The following PITPNM2 variants were observed in gnomAD, a reference collection of about 807,000 sequenced individuals.
The protein encoded by PITPNM2 is phosphatidylinositol transfer protein membrane associated 2, also known as membrane-associated phosphatidylinositol transfer protein 2.
Under a neutral mutation model 132.2 loss-of-function variants are expected in PITPNM2, and 35 were observed. That is an observed-to-expected ratio of 0.26 (90% CI 0.20 to 0.35). PITPNM2 has a LOEUF of 0.35. Among genes scored for constraint, PITPNM2 ranks in the 10% least tolerant of loss-of-function variants. The probability of loss-of-function intolerance (pLI) is 1.00; values close to 1 mark genes in which losing one functional copy is unlikely to be tolerated. For missense variants in PITPNM2, 1,332 were observed against 1,912.0 expected (o/e 0.70, Z 5.66); for synonymous variants, 738 against 799.2 (o/e 0.92, Z 1.29).
chr12:122,988,669 C>T, intron 19 of PITPNM2, 55 bp downstream of exon 19: 2 of 1,500,310 alleles, frequency 1.3e-6, no homozygotes, highest in East Asian at 4.9e-5. Context: ...AAATGTGGCC[C>T]TGTCATGGGT....
chr12:123,020,088 A>T (rs1382024734), intron 3 of PITPNM2, among the ~76,000 whole-genome samples: 2 of 152,058 alleles, frequency 1.3e-5, no homozygotes, highest in African/African-American at 4.8e-5. Flanking sequence ...CCATATCACA[A>T]AAGTTTTTTT....
intron 2 of PITPNM2, among the ~76,000 whole-genome samples, 163 bp from the exon 3 acceptor site, chr12:123,034,848 C>T (rs1478074668): frequency 6.6e-6 from 1 of 152,198 alleles, no homozygotes; most frequent in East Asian, 1.9e-4. Flanking sequence ...CCTTTCCAAC[C>T]TTTATTTTTC....
chr12:123,001,092 A>G lies in PITPNM2; in HGVS notation c.1115T>C (p.Met372Thr), dbSNP rs200759177. 53 of 1,614,138 alleles carry G rather than the reference A, an allele frequency of 3.3e-5. No individual in the cohort carries two copies. The highest frequency in any genetic ancestry group is 4.0e-5 in the Non-Finnish European group (47 of 1,180,022). Residue 372 changes from methionine (M) to threonine (T), a missense_variant, in exon 9 of 26, where the codon ATG (methionine) becomes ACG (threonine). Met to Thr is a moderately conservative substitution (Grantham distance 81, BLOSUM62 -1). Coordinates refer to ENST00000320201, the MANE Select transcript of PITPNM2 (RefSeq NM_020845.3). ...DITKWSSNDL[M>T]DKIESPEPED... ...CGGCTCTGGGCTCTCGATCTTGTCC[A>G]TGAGGTCATTGGAGCTCCACTTGGT...
intron 1 of PITPNM2, among the ~76,000 whole-genome samples, chr12:123,133,869 T>C (rs540782036): frequency 1.7e-4 from 26 of 152,058 alleles, no homozygotes; most frequent in Non-Finnish European, 3.4e-4. Flanking sequence ...CAAATCTCTA[T>C]GTCCCCAGAT....
intron 2 of PITPNM2, among the ~76,000 whole-genome samples, chr12:123,047,983 C>T (rs761363135): frequency 2.0e-5 from 3 of 151,888 alleles, no homozygotes; most frequent in Non-Finnish European, 4.4e-5. Context: ...CTTGTAGTCC[C>T]AGCTACCCAA....
rs1221142307 is a variant in PITPNM2, at chr12:123,034,379, A to G, written c.78+134T>C. 1.1e-5 allele frequency: 9 copies of G among 812,222 alleles called. No individual in the cohort carries two copies. The East Asian group carries it at 2.3e-4, about 21-fold the overall frequency. 50.3% of individuals were successfully genotyped at this position (812,222 alleles called of 1,614,324 possible). A position where few individuals can be genotyped will look rare whatever the true frequency, so the allele number is the denominator to read the frequency against. On this transcript the variant is annotated intron_variant, in intron 3 of 25. Coordinates refer to ENST00000320201, the MANE Select transcript of PITPNM2 (RefSeq NM_020845.3). ...GCCTAGAGGCCAGGGGTCCAGCACA[A>G]TTCACACTTACCAGGAAGTTCTGGG...
chr12:123,123,459 A>C (rs929998114), intron 1 of PITPNM2, among the ~76,000 whole-genome samples: 9 of 152,050 alleles, frequency 5.9e-5, no homozygotes, highest in Non-Finnish European at 1.2e-4. Flanking sequence ...AAAAATAAAA[A>C]AATTAGCCAG....
At chr12:123,142,375 A>G (rs1346542925) in intron 1 of PITPNM2, among the ~76,000 whole-genome samples, 1 of 152,266 alleles carries the variant, frequency 6.6e-6, no homozygotes, top group African/African-American at 2.4e-5. Context: ...ACTTTGCTTC[A>G]GCGTATTGGA....
intron 11 of PITPNM2, 44 bp downstream of exon 11, chr12:122,997,281 C>T (rs1458666692): frequency 1.2e-6 from 2 of 1,608,608 alleles, no homozygotes; most frequent in South Asian, 1.1e-5. Context: ...AGGAGGAGGA[C>T]AGTGCACTGC....
At chr12:123,012,510 G>A in intron 5 of PITPNM2, 103 bp downstream of exon 5, 1 of 1,456,032 alleles carries the variant, frequency 6.9e-7, no homozygotes. Context: ...GACAGGGCCA[G>A]GTCTGGAGTC....
intron 1 of PITPNM2, among the ~76,000 whole-genome samples, chr12:123,145,796 T>C (rs1450409238): frequency 1.3e-5 from 2 of 152,136 alleles, no homozygotes; most frequent in African/African-American, 2.4e-5. Flanking sequence ...CTGGGCAACA[T>C]AGCAAGACGT....
At chr12:123,070,045 G>C (rs1180242469) in intron 2 of PITPNM2, among the ~76,000 whole-genome samples, 1 of 152,224 alleles carries the variant, frequency 6.6e-6, no homozygotes, top group African/African-American at 2.4e-5. Flanking sequence ...AGAGTCCCCA[G>C]GTTGGCAAGA....
intron 3 of PITPNM2, among the ~76,000 whole-genome samples, chr12:123,027,877 G>T (rs1312005748): frequency 3.3e-5 from 5 of 152,350 alleles, no homozygotes; most frequent in Admixed American, 3.3e-4. Flanking sequence ...GCGTCCAAGG[G>T]GGGCAGGCCC....
rs2039069018 is a variant in PITPNM2 at position 123,009,183 on chromosome 12, G to GA, written c.643+666_643+667insT. ...AAGGTGTCTGGCTGGGGTGCCTTTT[G>GA]GGTCATGGGCCTCAGGGACCGGAAC... is the stretch of plus-strand genomic sequence containing the variant. On this transcript the variant is annotated intron_variant, in intron 6 of 25. Transcript: ENST00000320201. The surrounding 1 kb of genome is among the most constrained non-coding windows in gnomAD (Gnocchi z 4.8). Among the ~76,000 whole-genome samples, 1 of 152,164 alleles carries GA rather than the reference G, an allele frequency of 6.6e-6. No homozygotes were observed. Among genetic ancestry groups the GA allele is most frequent in the Middle Eastern group, 3.2e-3 (1 of 316 alleles).
rs2037830940 is a variant in PITPNM2, at chr12:122,984,005, G to C, written c.*2022C>G. The C allele has an allele frequency of 6.5e-6, 1 of 152,772 alleles. No individual in the cohort carries two copies. The allele number at this position is 152,772 out of a possible 1,614,324, so 9.5% of individuals were successfully genotyped here. ...AAAGGAATCTGAAGGGAGGTGGAAA[G>C]CAGACCTGGATACAGAAGAGACTTC... On this transcript the variant is annotated 3_prime_UTR_variant, in exon 26 of 26. Transcript: ENST00000320201.
Position 122,992,029 on chromosome 12 carries a change from G to T in PITPNM2, c.2404+470C>A. 1 of 867,138 alleles carries T rather than the reference G, an allele frequency of 1.2e-6. No individual in the cohort carries two copies. Among genetic ancestry groups the T allele is most frequent in the Non-Finnish European group, 1.5e-6 (1 of 650,404 alleles). The allele number at this position is 867,138 out of a possible 1,614,324, so 53.7% of individuals were successfully genotyped here. On this transcript the variant is annotated intron_variant, in intron 16 of 25. Transcript: ENST00000320201. This position sits in a 1 kb window ranked among gnomAD's most constrained non-coding sequence, Gnocchi z 6.5. ...GACAAGACGCTGGGACACACGCTGGGGCAGGGGTCGGGCCAAGCCTACCTG... is the reference window on the plus strand; with the variant it reads ...GACAAGACGCTGGGACACACGCTGGTGCAGGGGTCGGGCCAAGCCTACCTG...
chr12:122,991,188 A>G (rs1270066330), intron 16 of PITPNM2, among the ~76,000 whole-genome samples: 1 of 152,206 alleles, frequency 6.6e-6, no homozygotes, highest in African/African-American at 2.4e-5. Context: ...AGCATCCCTC[A>G]CACAGGCCAC....
chr12:123,026,397 G>A (rs986770413), intron 3 of PITPNM2, among the ~76,000 whole-genome samples: 40 of 152,240 alleles, frequency 2.6e-4, no homozygotes, highest in Non-Finnish European at 4.7e-4. Flanking sequence ...GCAGCCCTGC[G>A]GACACCTGCC....
rs961267281 is a variant in PITPNM2, at chr12:123,108,464, C to A, written c.-96+1921G>T. On this transcript the variant is annotated intron_variant, in intron 2 of 25. Transcript: ENST00000320201. The surrounding 1 kb of genome is among the most constrained non-coding windows in gnomAD (Gnocchi z 4.4). ...CCATGCAGGGCAGAAGAGCTCTCACCGGGCCCTGCCTCGACTTGGCAGCCA... is the reference window on the plus strand; with the variant it reads ...CCATGCAGGGCAGAAGAGCTCTCACAGGGCCCTGCCTCGACTTGGCAGCCA... Among the ~76,000 whole-genome samples the A allele has an allele frequency of 1.3e-5, 2 of 152,054 alleles. No individual in the cohort carries two copies. Among genetic ancestry groups the A allele is most frequent in the Non-Finnish European group, 2.9e-5 (2 of 68,002 alleles).
Sources: allele counts gnomAD v4.1 joint callset (sites outside exome capture counted in the v4.1 genomes callset), GRCh38; gene constraint gnomAD v4.1.1; non-coding constraint Gnocchi (gnomAD v3.1); transcripts MANE v1.5; gene names NCBI Gene and HGNC (gene_info 2026-07-23, HGNC 2026-07-21).